NARS2: variants seen among roughly 807,000 people sequenced by gnomAD.
NARS2 encodes the protein asparaginyl-tRNA synthetase 2, mitochondrial, also known as asparaginyl-tRNA synthetase.
Under a neutral mutation model 62.9 loss-of-function variants are expected in NARS2, and 60 were observed. The ratio of observed to expected loss-of-function variants is 0.95; its 90% CI spans 0.77 to 1.18. NARS2 has a LOEUF of 1.18. NARS2 is among the 50% of genes most tolerant of loss of function. The probability of loss-of-function intolerance (pLI) is 0.00; values close to 1 mark genes in which losing one functional copy is unlikely to be tolerated. For missense variants in NARS2, 619 were observed against 576.4 expected (o/e 1.07, Z -0.76); for synonymous variants, 196 against 200.0 (o/e 0.98, Z 0.17).
intron 7 of NARS2, among the ~76,000 whole-genome samples, chr11:78,482,971 A>C (rs1174037771): frequency 6.6e-6 from 1 of 152,242 alleles, no homozygotes; most frequent in Non-Finnish European, 1.5e-5. Flanking sequence ...CCTGATGAAC[A>C]TCAATACGAA....
chr11:78,529,935 CTT>C (rs1861419929), intron 5 of NARS2, among the ~76,000 whole-genome samples: 1 of 152,158 alleles, frequency 6.6e-6, no homozygotes, highest in African/African-American at 2.4e-5. Context: ...ATGTAAGACT[CTT>C]TTAACAGGCT....
At chr11:78,487,411 AAGAC>A (rs1182321935) in intron 7 of NARS2, among the ~76,000 whole-genome samples, 35 of 151,960 alleles carry the variant, frequency 2.3e-4, no homozygotes, top group South Asian at 6.2e-4. Flanking sequence ...GAAAGAAAGA[AAGAC>A]AGACAGACAG....
chr11:78,509,052 T>C (rs1214632647), intron 6 of NARS2, among the ~76,000 whole-genome samples: 2 of 150,610 alleles, frequency 1.3e-5, no homozygotes, highest in Non-Finnish European at 3.0e-5. Flanking sequence ...GAGGTGGAGG[T>C]TGCAGTGAGC....
intron 6 of NARS2, among the ~76,000 whole-genome samples, chr11:78,513,188 T>G (rs1860778733): frequency 6.6e-6 from 1 of 151,404 alleles, no homozygotes; most frequent in Non-Finnish European, 1.5e-5. Context: ...AGGCAGAAGT[T>G]GCAGTGAGCC....
At chr11:78,561,005 G>A (rs1034217100) in intron 4 of NARS2, among the ~76,000 whole-genome samples, 3 of 152,120 alleles carry the variant, frequency 2.0e-5, no homozygotes, top group Non-Finnish European at 4.4e-5. Context: ...AGAGGGAGGA[G>A]AAAATTTAAC....
intron 4 of NARS2, among the ~76,000 whole-genome samples, chr11:78,559,970 A>G (rs1416262495): frequency 6.6e-6 from 1 of 152,180 alleles, no homozygotes; most frequent in Non-Finnish European, 1.5e-5. Flanking sequence ...CTTTAGTACT[A>G]TATTCTCTTC....
At chr11:78,493,674 C>CAA (rs891436051) in intron 6 of NARS2, among the ~76,000 whole-genome samples, 7 of 102,794 alleles carry the variant, frequency 6.8e-5, no homozygotes, top group Middle Eastern at 4.8e-3. Context: ...AACAAACAAA[C>CAA]AAAAAAAAAA....
chr11:78,574,847 C>A lies in NARS2; in HGVS notation c.-359G>T, dbSNP rs1857073906. 8.6e-6 allele frequency: 2 copies of A among 232,106 alleles called. No homozygotes were observed. The highest frequency in any genetic ancestry group is 1.4e-4 in the South Asian group (2 of 13,940). 14.4% of individuals were successfully genotyped at this position (232,106 alleles called of 1,614,324 possible). On this transcript the variant is annotated 5_prime_UTR_variant, in exon 1 of 14. Coordinates refer to ENST00000281038, the MANE Select transcript of NARS2 (RefSeq NM_024678.6). ...CTCCTACCACACCACGCCAACGCCGCTTACGTCATCACGCTACGGGGAAGA... is the reference window on the plus strand; with the variant it reads ...CTCCTACCACACCACGCCAACGCCGATTACGTCATCACGCTACGGGGAAGA...
intron 5 of NARS2, among the ~76,000 whole-genome samples, chr11:78,531,976 T>A (rs1861497154): frequency 6.6e-6 from 1 of 152,284 alleles, no homozygotes; most frequent in East Asian, 1.9e-4. Context: ...ATACTATGAA[T>A]GTACTAAATG....
At chr11:78,464,532 TAC>T (rs1320565685) in intron 11 of NARS2, among the ~76,000 whole-genome samples, 2 of 151,716 alleles carry the variant, frequency 1.3e-5, no homozygotes, top group Non-Finnish European at 2.9e-5. Flanking sequence ...ATTAGCTAGA[TAC>T]AGAGTGTCCA....
chr11:78,487,660 T>C (rs1018616552), intron 7 of NARS2, among the ~76,000 whole-genome samples: 3 of 152,070 alleles, frequency 2.0e-5, no homozygotes, highest in African/African-American at 7.2e-5. Context: ...TCATAATCCA[T>C]GTGCTGAAAA....
At chr11:78,516,976 T>C (rs755976904) in intron 6 of NARS2, among the ~76,000 whole-genome samples, 38 of 152,052 alleles carry the variant, frequency 2.5e-4, no homozygotes, top group Non-Finnish European at 5.0e-4. Context: ...ATGGTGGTGG[T>C]TAAGGTTCTG....
At chr11:78,444,616 G>A (rs1011302343) in intron 11 of NARS2, among the ~76,000 whole-genome samples, 4 of 151,646 alleles carry the variant, frequency 2.6e-5, no homozygotes, top group African/African-American at 9.7e-5. Context: ...CTACTTGGGA[G>A]GCCGAGGCAG....
chr11:78,487,353 C>CT (rs1341214694), intron 7 of NARS2, among the ~76,000 whole-genome samples: 1 of 113,760 alleles, frequency 8.8e-6, no homozygotes, highest in Non-Finnish European at 1.8e-5. Flanking sequence ...GAGGCTCTGT[C>CT]TAAAAAAAAA....
At chr11:78,535,695 T>G (rs1417550956) in intron 5 of NARS2, among the ~76,000 whole-genome samples, 1 of 151,872 alleles carries the variant, frequency 6.6e-6, no homozygotes, top group Non-Finnish European at 1.5e-5. Flanking sequence ...AATGGCACGA[T>G]CTCAGCTCAC....
At chr11:78,453,653 T>TGG (rs1161308722) in intron 11 of NARS2, among the ~76,000 whole-genome samples, 1 of 152,166 alleles carries the variant, frequency 6.6e-6, no homozygotes, top group African/African-American at 2.4e-5. Context: ...TTACCAACAA[T>TGG]GGGGCAAGGT....
chr11:78,540,031 T>C (rs1448200017), intron 5 of NARS2, among the ~76,000 whole-genome samples: 1 of 152,338 alleles, frequency 6.6e-6, no homozygotes, highest in East Asian at 1.9e-4. Context: ...AAACAGTCCA[T>C]GATAGACTAA....
chr11:78,554,139 G>A (rs1856238136), intron 5 of NARS2, among the ~76,000 whole-genome samples: 1 of 152,186 alleles, frequency 6.6e-6, no homozygotes, highest in Non-Finnish European at 1.5e-5. Context: ...TTTGGGAGTG[G>A]AGCCTTGTAG....
At chr11:78,464,280 G>C (rs181962971) in intron 11 of NARS2, among the ~76,000 whole-genome samples, 4 of 152,260 alleles carry the variant, frequency 2.6e-5, no homozygotes, top group African/African-American at 9.6e-5. Flanking sequence ...AGGCAGTGTG[G>C]ACCCAAAGAG....
Sources: allele counts gnomAD v4.1 joint callset (sites outside exome capture counted in the v4.1 genomes callset), GRCh38; gene constraint gnomAD v4.1.1; transcripts MANE v1.5; gene names NCBI Gene and HGNC (gene_info 2026-07-23, HGNC 2026-07-21).